VSTM4: variants seen among roughly 807,000 people sequenced by gnomAD.
The protein encoded by VSTM4 is V-set and transmembrane domain containing 4.
VSTM4 carries 20 observed loss-of-function variants against 36.4 expected under a neutral mutation model. That is an observed-to-expected ratio of 0.55 (90% CI 0.39 to 0.80). VSTM4 has a LOEUF of 0.80. VSTM4 is among the 30% of genes least tolerant of loss of function. VSTM4 has a pLI of 0.00. For synonymous variants in VSTM4, 182 were observed against 173.9 expected, an observed-to-expected ratio of 1.05 and a Z score of -0.37; for missense variants, 392 against 404.5, an observed-to-expected ratio of 0.97 and a Z score of 0.26.
chr10:49,060,166 A>T (rs1239823872), intron 5 of VSTM4, among the ~76,000 whole-genome samples: 1 of 152,226 alleles, frequency 6.6e-6, no homozygotes, highest in Non-Finnish European at 1.5e-5. Context: ...AGCAGCTATG[A>T]ACAACTGCAT....
chr10:49,111,179 G>A (rs182545747), intron 1 of VSTM4, among the ~76,000 whole-genome samples: 135 of 152,374 alleles, frequency 8.9e-4, no homozygotes, highest in African/African-American at 3.2e-3. Context: ...AAAGCAGGAG[G>A]GAGGAGAGGG....
At chr10:49,101,986 T>C (rs1844674522) in intron 2 of VSTM4, among the ~76,000 whole-genome samples, 1 of 100,656 alleles carries the variant, frequency 9.9e-6, no homozygotes, top group South Asian at 2.3e-4. Flanking sequence ...TGTGTGTGTG[T>C]GTTTGTGTGT....
At chr10:49,064,015 G>C (rs2131977485) in intron 5 of VSTM4, 1 of 152,322 alleles carries the variant, frequency 6.6e-6, no homozygotes, top group East Asian at 1.9e-4. Context: ...GATTGGAGTA[G>C]GAAAAAAGCA....
rs766056828 is a variant in VSTM4, at chr10:49,115,394, C to G, written c.55+37G>C. The G allele has an allele frequency of 2.3e-3, 2,340 of 1,010,714 alleles. 17 individuals carry two copies. Among genetic ancestry groups the G allele is most frequent in the South Asian group, 0.02 (472 of 23,524 alleles). The allele number at this position is 1,010,714 out of a possible 1,614,324, so 62.6% of individuals were successfully genotyped here. On this transcript the variant is annotated intron_variant, in intron 1 of 7. Transcript: ENST00000332853. The stretch of plus-strand genomic sequence containing the variant: ...CTCCCCGGCGCGGCCGCCCGGCCCC[C>G]ACCCTTCCCGCTCCCGCCTGGCCCC...
At chr10:49,066,960 G>C (rs1372458130) in intron 4 of VSTM4, among the ~76,000 whole-genome samples, 2 of 152,122 alleles carry the variant, frequency 1.3e-5, no homozygotes, top group Non-Finnish European at 1.5e-5. Flanking sequence ...GAAGTGTACT[G>C]AAGATAAAAA....
intron 7 of VSTM4, 98 bp from the exon 8 acceptor site, chr10:49,019,873 G>A (rs1403007770): frequency 6.9e-7 from 1 of 1,451,444 alleles, no homozygotes; most frequent in Non-Finnish European, 9.1e-7. Context: ...ATAGCATTTT[G>A]GGATTCAGCG....
chr10:49,104,473 C>G (rs1263428991), intron 2 of VSTM4, among the ~76,000 whole-genome samples: 1 of 152,136 alleles, frequency 6.6e-6, no homozygotes, highest in Non-Finnish European at 1.5e-5. Flanking sequence ...CAGCCCCAGC[C>G]TGGGGCGGAC....
chr10:49,035,056 G>A (rs529081861), intron 7 of VSTM4, among the ~76,000 whole-genome samples: 10 of 152,302 alleles, frequency 6.6e-5, no homozygotes, highest in African/African-American at 1.4e-4. Context: ...CTGCAGGCAC[G>A]TGGGGACAGC....
At chr10:49,028,674 T>G (rs1843299554) in intron 7 of VSTM4, among the ~76,000 whole-genome samples, 1 of 152,262 alleles carries the variant, frequency 6.6e-6, no homozygotes, top group South Asian at 2.1e-4. Context: ...CATTCTCTTA[T>G]GCAGACTCCT....
At chr10:49,096,602 G>A (rs1844573302) in intron 2 of VSTM4, among the ~76,000 whole-genome samples, 3 of 148,178 alleles carry the variant, frequency 2.0e-5, no homozygotes. Context: ...GTAGGATTGG[G>A]TTGAAAAGCC....
intron 2 of VSTM4, among the ~76,000 whole-genome samples, chr10:49,097,799 C>T (rs918820123): frequency 6.6e-6 from 1 of 152,184 alleles, no homozygotes; most frequent in Non-Finnish European, 1.5e-5. Context: ...CAAAGGTGAC[C>T]TTGGAGTTTA....
chr10:49,033,002 T>C (rs1409487686), intron 7 of VSTM4, among the ~76,000 whole-genome samples: 1 of 151,322 alleles, frequency 6.6e-6, no homozygotes, highest in Non-Finnish European at 1.5e-5. Context: ...TTGGGCAGAC[T>C]CTATCAAAAT....
intron 2 of VSTM4, among the ~76,000 whole-genome samples, chr10:49,100,795 A>T (rs1421318905): frequency 7.3e-6 from 1 of 136,634 alleles, no homozygotes; most frequent in African/African-American, 3.1e-5. Context: ...AGAATAGCTA[A>T]GAATTTAAAA....
At chr10:49,020,188 T>G (rs1277567635) in intron 7 of VSTM4, among the ~76,000 whole-genome samples, 1 of 152,192 alleles carries the variant, frequency 6.6e-6, no homozygotes, top group Admixed American at 6.5e-5. Context: ...ACTTAGAAAT[T>G]TTTGTAAATG....
intron 5 of VSTM4, among the ~76,000 whole-genome samples, chr10:49,052,307 G>T (rs945419343): frequency 6.6e-6 from 1 of 152,108 alleles, no homozygotes; most frequent in Non-Finnish European, 1.5e-5. Context: ...CTCATTTAAT[G>T]AAGAAAAAGC....
rs1428355769 is a variant in VSTM4, at chr10:49,017,828, A to G, written c.*1822T>C. ...ATACATCTGTCAGAACACTGCCATG[A>G]TAAAATTAAAAATCCCTGTGATAAT... On this transcript the variant is annotated 3_prime_UTR_variant, in exon 8 of 8. Coordinates refer to ENST00000332853, the MANE Select transcript of VSTM4 (RefSeq NM_001031746.5). 6.6e-6 allele frequency: 1 copy of G among 152,224 alleles called. No individual in the cohort carries two copies. The highest frequency in any genetic ancestry group is 2.4e-5 in the African/African-American group (1 of 41,450). 9.4% of individuals were successfully genotyped at this position (152,224 alleles called of 1,614,324 possible).
At chr10:49,087,351 T>C (rs1020446051) in intron 2 of VSTM4, among the ~76,000 whole-genome samples, 1 of 152,220 alleles carries the variant, frequency 6.6e-6, no homozygotes, top group African/African-American at 2.4e-5. Context: ...TATTTGCACT[T>C]CCCATAGACT....
At chr10:49,031,575 G>T (rs1173280506) in intron 7 of VSTM4, among the ~76,000 whole-genome samples, 1 of 152,202 alleles carries the variant, frequency 6.6e-6, no homozygotes, top group Non-Finnish European at 1.5e-5. Flanking sequence ...TGTGCTAAAC[G>T]CTAATGAACA....
At chr10:49,022,760 T>C (rs1186261157) in intron 7 of VSTM4, among the ~76,000 whole-genome samples, 3 of 152,216 alleles carry the variant, frequency 2.0e-5, no homozygotes, top group Non-Finnish European at 4.4e-5. Flanking sequence ...ACCCAACTCA[T>C]GTAAATTTTA....
Sources: gnomAD v4.1 joint callset for allele counts (sites outside exome capture counted in the v4.1 genomes callset) on GRCh38, gnomAD v4.1.1 for gene constraint, MANE v1.5 for transcripts, NCBI Gene and HGNC (gene_info 2026-07-23, HGNC 2026-07-21) for gene names.